RPAP2: variants seen among roughly 807,000 people sequenced by gnomAD.
RPAP2 encodes RNA polymerase II associated protein 2.
In RPAP2, 52 loss-of-function variants were observed where a neutral mutation model predicts 73.1. That is an observed-to-expected ratio of 0.71 (90% CI 0.57 to 0.90). RPAP2 has a LOEUF of 0.90. Ranked by LOEUF, RPAP2 falls within the 40% of genes least tolerant of loss-of-function variation. The pLI, the probability that RPAP2 is intolerant of heterozygous loss-of-function variation, is 0.00. For synonymous variants in RPAP2, 225 were observed against 242.1 expected, an observed-to-expected ratio of 0.93 and a Z score of 0.65; for missense variants, 598 against 701.8, an observed-to-expected ratio of 0.85 and a Z score of 1.67.
At position 92,387,049 on chromosome 1, in the gene RPAP2, T is replaced by C; in HGVS notation, c.*38T>C. The C allele has an allele frequency of 1.3e-6, 2 of 1,574,992 alleles. No homozygotes were observed. The highest frequency in any genetic ancestry group is 1.7e-6 in the Non-Finnish European group (2 of 1,153,138). On this transcript the variant is annotated 3_prime_UTR_variant, in exon 13 of 13. Transcript: ENST00000610020. ...AGACAAAATAGAAGATGAACTTCTA[T>C]TCACCGTTTCTGGAATTCTAGCCGC...
intron 6 of RPAP2, among the ~76,000 whole-genome samples, chr1:92,312,892 G>A (rs1440953731): frequency 1.3e-5 from 2 of 151,686 alleles, no homozygotes; most frequent in Non-Finnish European, 2.9e-5. Context: ...CGCGATCTTG[G>A]CTCACTACAA....
chr1:92,312,695 C>G (rs937706770), intron 6 of RPAP2, among the ~76,000 whole-genome samples: 2 of 152,198 alleles, frequency 1.3e-5, no homozygotes, highest in African/African-American at 2.4e-5. Flanking sequence ...TCCATAGTGA[C>G]TACCTCTACG....
At chr1:92,379,423 C>T (rs2101444292) in intron 11 of RPAP2, among the ~76,000 whole-genome samples, 1 of 152,130 alleles carries the variant, frequency 6.6e-6, no homozygotes, top group African/African-American at 2.4e-5. Context: ...TATGAGAAGT[C>T]AGGGTCTTTA....
At chr1:92,324,505 G>A in intron 8 of RPAP2, 130 bp downstream of exon 8, 1 of 735,154 alleles carries the variant, frequency 1.4e-6, no homozygotes, top group Middle Eastern at 2.5e-4. Context: ...TAGTCATTCT[G>A]CCTTTTGGTT....
At chr1:92,331,443 A>G (rs1652959749) in intron 8 of RPAP2, among the ~76,000 whole-genome samples, 1 of 152,110 alleles carries the variant, frequency 6.6e-6, no homozygotes, top group Admixed American at 6.5e-5. Context: ...TTTTGCATTG[A>G]ATCATTATTC....
At chr1:92,337,936 T>C (rs981809411) in intron 10 of RPAP2, among the ~76,000 whole-genome samples, 1 of 152,206 alleles carries the variant, frequency 6.6e-6, no homozygotes, top group African/African-American at 2.4e-5. Context: ...TTAGATTATT[T>C]AAATTTTTAT....
chr1:92,360,002 AT>A (rs34014692), intron 11 of RPAP2, among the ~76,000 whole-genome samples: 130,973 of 151,800 alleles, frequency 0.86, 56,932 homozygotes, highest in East Asian at 1. Flanking sequence ...CAGTCTGGTA[AT>A]TTGGTAGTGT....
chr1:92,315,751 T>C (rs1202203374), intron 6 of RPAP2, among the ~76,000 whole-genome samples: 1 of 152,236 alleles, frequency 6.6e-6, no homozygotes, highest in African/African-American at 2.4e-5. Context: ...AGAAAGGGCC[T>C]TGGAGGTTTT....
At chr1:92,344,136 A>C (rs1382540135) in intron 10 of RPAP2, among the ~76,000 whole-genome samples, 1 of 152,146 alleles carries the variant, frequency 6.6e-6, no homozygotes, top group Non-Finnish European at 1.5e-5. Flanking sequence ...CCAGCTGGGC[A>C]CCGTAGCTCA....
At chr1:92,357,514 G>T (rs1324492144) in intron 11 of RPAP2, among the ~76,000 whole-genome samples, 28 of 152,142 alleles carry the variant, frequency 1.8e-4, no homozygotes, top group Admixed American at 6.6e-5. Flanking sequence ...AGAAGGAAAG[G>T]TTGGGTCTGT....
rs1382132228 is a variant in RPAP2, at chr1:92,342,849, G to A, written c.1620-2997G>A. 3.9e-5 allele frequency among the ~76,000 whole-genome samples: 6 copies of A among 152,068 alleles called. No individual in the cohort carries two copies. The East Asian group carries it at 1.2e-3, about 29-fold the overall frequency. On this transcript the variant is annotated intron_variant, in intron 10 of 12. Transcript: ENST00000610020. ...GTAAGCCATTTACTGAGATAGGAGT[G>A]TCACACCATCCTTAGTTTTGGGGGA...
chr1:92,386,794 G>A (rs141084376), intron 12 of RPAP2, among the ~76,000 whole-genome samples: 92 of 152,084 alleles, frequency 6.0e-4, no homozygotes, highest in Non-Finnish European at 1.1e-3. Flanking sequence ...TCTGCCTCCC[G>A]AGTTCAAGCA....
At chr1:92,311,830 A>G (rs1439491031) in intron 6 of RPAP2, among the ~76,000 whole-genome samples, 1 of 152,230 alleles carries the variant, frequency 6.6e-6, no homozygotes, top group Non-Finnish European at 1.5e-5. Context: ...TCTTTAAAAA[A>G]TAATGTACAT....
At chr1:92,321,645 C>G (rs925396843) in intron 7 of RPAP2, among the ~76,000 whole-genome samples, 1 of 151,970 alleles carries the variant, frequency 6.6e-6, no homozygotes, top group Non-Finnish European at 1.5e-5. Context: ...TCATCTTATT[C>G]AAATCTAATC....
chr1:92,299,755 C>T (rs1341415711), intron 1 of RPAP2, among the ~76,000 whole-genome samples: 1 of 152,132 alleles, frequency 6.6e-6, no homozygotes, highest in Non-Finnish European at 1.5e-5. Context: ...TTGATTTACA[C>T]ACGATTGGAC....
At chr1:92,319,425 G>A (rs1443382802) in intron 6 of RPAP2, among the ~76,000 whole-genome samples, 1 of 152,092 alleles carries the variant, frequency 6.6e-6, no homozygotes, top group Non-Finnish European at 1.5e-5. Context: ...GTTGTTATGA[G>A]GATCAATATC....
intron 11 of RPAP2, among the ~76,000 whole-genome samples, chr1:92,359,528 C>G (rs1340606050): frequency 1.3e-5 from 2 of 152,190 alleles, no homozygotes; most frequent in Non-Finnish European, 2.9e-5. Flanking sequence ...CCATGTTGGC[C>G]AGGCTGGTCC....
In RPAP2 at chr1:92,305,364, C is replaced by T. The variant is rs1215750680; in HGVS notation, c.399+1015C>T. 4.3e-5 allele frequency among the ~76,000 whole-genome samples: 6 copies of T among 138,834 alleles called. No homozygotes were observed. The South Asian group carries it at 7.2e-4, about 17-fold the overall frequency. The allele number at this position is 138,834 out of a possible 152,430, so 91.1% of individuals were successfully genotyped here. A position where few individuals can be genotyped will look rare whatever the true frequency, so the allele number is the denominator to read the frequency against. On this transcript the variant is annotated intron_variant, in intron 5 of 12. Transcript: ENST00000610020. ...AGGAGAATGGCGTGAACCCGGGAGG[C>T]GGAGCTTGCAGTGAGCCGAGATCGC...
intron 10 of RPAP2, among the ~76,000 whole-genome samples, 171 bp from the exon 11 acceptor site, chr1:92,345,675 T>C (rs1273322504): frequency 1.3e-5 from 2 of 152,134 alleles, no homozygotes; most frequent in Non-Finnish European, 2.9e-5. Context: ...TATCAGATAG[T>C]GACTATTGAG....
Sources: gnomAD v4.1 joint callset for allele counts (sites outside exome capture counted in the v4.1 genomes callset) on GRCh38, gnomAD v4.1.1 for gene constraint, MANE v1.5 for transcripts, NCBI Gene and HGNC (gene_info 2026-07-23, HGNC 2026-07-21) for gene names.